PCDH15: variants seen among roughly 807,000 people sequenced by gnomAD.
The protein encoded by PCDH15 is protocadherin related 15, also known as protocadherin-15.
A neutral mutation model predicts 178.5 loss-of-function variants in PCDH15; 129 were observed. That is an observed-to-expected ratio of 0.72 (90% CI 0.63 to 0.84). The LOEUF is 0.84. PCDH15 is among the 40% of genes least tolerant of loss of function. The probability of loss-of-function intolerance (pLI) is 0.00; values close to 1 mark genes in which losing one functional copy is unlikely to be tolerated. For missense variants in PCDH15, 2,230 were observed against 2,099.9 expected (o/e 1.06, Z -1.21); for synonymous variants, 800 against 732.0 (o/e 1.09, Z -1.50).
chr10:55,243,232 T>A (rs1373577), intron 1 of PCDH15, among the ~76,000 whole-genome samples: 42,471 of 152,042 alleles, frequency 0.28, 6,102 homozygotes, highest in Middle Eastern at 0.38. Context: ...TCTGCACAGC[T>A]TCCCCCAAAC....
chr10:54,575,934 C>CA (rs895261127), intron 2 of PCDH15, among the ~76,000 whole-genome samples: 8 of 152,144 alleles, frequency 5.3e-5, no homozygotes, highest in African/African-American at 1.9e-4. Context: ...CAGTTTTGCC[C>CA]ATGGTCATCA....
intron 32 of PCDH15, chr10:53,825,091 C>CT: frequency 6.6e-7 from 1 of 1,517,294 alleles, no homozygotes; most frequent in Non-Finnish European, 8.8e-7. Context: ...TCTATTGTAT[C>CT]TATTTTTCTA....
At chr10:55,070,387 TC>T (rs1160626413) in intron 2 of PCDH15, among the ~76,000 whole-genome samples, 3 of 151,672 alleles carry the variant, frequency 2.0e-5, no homozygotes, top group Non-Finnish European at 4.4e-5. Context: ...GCCTAGGTTT[TC>T]TTCTAGGGTT....
chr10:54,731,555 T>TATATATATATATATATAG (rs1943364302), intron 1 of PCDH15, among the ~76,000 whole-genome samples: 5 of 45,608 alleles, frequency 1.1e-4, no homozygotes, highest in African/African-American at 3.6e-4. Context: ...GATATATATA[T>TATATATATATATATATAG]ATATATATAC....
intron 2 of PCDH15, among the ~76,000 whole-genome samples, chr10:55,441,623 G>GA (rs1359933715): frequency 6.6e-6 from 1 of 152,052 alleles, no homozygotes; most frequent in African/African-American, 2.4e-5. Flanking sequence ...TTTCAAAGGG[G>GA]AATCCTACCA....
chr10:53,993,248 T>C (rs535354249), intron 21 of PCDH15, among the ~76,000 whole-genome samples: 1 of 152,314 alleles, frequency 6.6e-6, no homozygotes, highest in South Asian at 2.1e-4. Context: ...AAAATTAAAT[T>C]TCTGGAAGTC....
intron 2 of PCDH15, among the ~76,000 whole-genome samples, chr10:55,388,384 ACTCT>A (rs1260271959): frequency 6.6e-6 from 1 of 151,600 alleles, no homozygotes; most frequent in East Asian, 1.9e-4. Flanking sequence ...AACATTGTTC[ACTCT>A]CTCTGAATCC....
At chr10:54,395,305 C>T (rs533199512) in intron 3 of PCDH15, among the ~76,000 whole-genome samples, 89 of 152,064 alleles carry the variant, frequency 5.9e-4, no homozygotes, top group African/African-American at 2.1e-3. Flanking sequence ...CTACGTTCTT[C>T]TGCCATGGCT....
intron 1 of PCDH15, among the ~76,000 whole-genome samples, chr10:55,286,061 C>G (rs1358280407): frequency 6.6e-6 from 1 of 151,862 alleles, no homozygotes; most frequent in Non-Finnish European, 1.5e-5. Flanking sequence ...ACATGAAACT[C>G]TCATTTTAAG....
At chr10:54,646,088 C>T (rs2094124879) in intron 2 of PCDH15, among the ~76,000 whole-genome samples, 1 of 151,996 alleles carries the variant, frequency 6.6e-6, no homozygotes, top group Non-Finnish European at 1.5e-5. Context: ...GCATGTTAAT[C>T]CTCTGTTTCT....
intron 2 of PCDH15, among the ~76,000 whole-genome samples, chr10:54,961,564 CA>C (rs1838655608): frequency 6.6e-6 from 1 of 152,198 alleles, no homozygotes; most frequent in Non-Finnish European, 1.5e-5. Context: ...GACCAATCAG[CA>C]TGCACTTCCT....
At chr10:55,528,936 G>T (rs1388356208) in intron 2 of PCDH15, among the ~76,000 whole-genome samples, 1 of 152,042 alleles carries the variant, frequency 6.6e-6, no homozygotes, top group Non-Finnish European at 1.5e-5. Flanking sequence ...GTGTGAGATG[G>T]TATCTCATTG....
At chr10:53,974,038 G>A (rs2134485995) in intron 21 of PCDH15, among the ~76,000 whole-genome samples, 1 of 152,200 alleles carries the variant, frequency 6.6e-6, no homozygotes, top group African/African-American at 2.4e-5. Context: ...TTTTTCTTGA[G>A]ACAGAGTTTC....
At chr10:55,133,028 T>C (rs561854682) in intron 2 of PCDH15, among the ~76,000 whole-genome samples, 1 of 152,330 alleles carries the variant, frequency 6.6e-6, no homozygotes, top group South Asian at 2.1e-4. Flanking sequence ...TCTTAGGAGA[T>C]ATTTTAGCAC....
intron 3 of PCDH15, among the ~76,000 whole-genome samples, chr10:54,849,688 C>G (rs983947279): frequency 4.6e-5 from 7 of 152,114 alleles, no homozygotes; most frequent in African/African-American, 1.7e-4. Context: ...TATGTTGGTG[C>G]AAATAATTGT....
At chr10:54,134,471 A>C (rs1231458944) in intron 14 of PCDH15, among the ~76,000 whole-genome samples, 2 of 152,104 alleles carry the variant, frequency 1.3e-5, no homozygotes, top group Non-Finnish European at 2.9e-5. Context: ...AAAGAAATTC[A>C]GGCTGGGCAC....
intron 9 of PCDH15, among the ~76,000 whole-genome samples, chr10:54,224,701 G>A (rs2053240790): frequency 6.6e-6 from 1 of 151,630 alleles, no homozygotes. Flanking sequence ...GTTATCCCTA[G>A]GTTCAAACAT....
intron 8 of PCDH15, among the ~76,000 whole-genome samples, chr10:54,294,089 C>T (rs940891014): frequency 6.6e-6 from 1 of 152,022 alleles, no homozygotes; most frequent in Admixed American, 6.6e-5. Flanking sequence ...CAATGATAGA[C>T]TGGATAAAGA....
At chr10:55,123,298 C>A (rs1837818828) in intron 2 of PCDH15, among the ~76,000 whole-genome samples, 1 of 151,890 alleles carries the variant, frequency 6.6e-6, no homozygotes, top group African/African-American at 2.4e-5. Flanking sequence ...ATTCATTTCT[C>A]TCAACATTTC....
Sources: gnomAD v4.1 joint callset for allele counts (sites outside exome capture counted in the v4.1 genomes callset) on GRCh38, gnomAD v4.1.1 for gene constraint, MANE v1.5 for transcripts, NCBI Gene and HGNC (gene_info 2026-07-23, HGNC 2026-07-21) for gene names.